Variants in LRRC69 observed in about 807,000 individuals in gnomAD.
LRRC69 encodes leucine rich repeat containing 69.
Under a neutral mutation model 37.8 loss-of-function variants are expected in LRRC69, and 42 were observed. The observed-to-expected ratio is 1.11, with a 90% confidence interval of 0.87 to 1.44. The LOEUF is 1.44. LRRC69 is among the 40% of genes most tolerant of loss of function. The pLI is 0.00. For synonymous variants in LRRC69, 141 were observed against 143.1 expected (o/e 0.99, Z 0.11); for missense variants, 357 against 401.9 (o/e 0.89, Z 0.96).
At chr8:91,117,191 G>C (rs1278744360) in intron 1 of LRRC69, among the ~76,000 whole-genome samples, 5 of 151,938 alleles carry the variant, frequency 3.3e-5, no homozygotes, top group Non-Finnish European at 7.4e-5. Context: ...TTCATCTTTT[G>C]GGCAGCTGTT....
At chr8:91,169,377 C>A (rs1390024909) in intron 5 of LRRC69, among the ~76,000 whole-genome samples, 1 of 151,834 alleles carries the variant, frequency 6.6e-6, no homozygotes, top group African/African-American at 2.4e-5. Flanking sequence ...ATATAACAAA[C>A]CTGCACATGT....
chr8:91,158,162 A>G lies in LRRC69; in HGVS notation c.651+22423A>G, dbSNP rs1403103824. 3.7e-6 allele frequency: 6 copies of G among 1,604,002 alleles called. No homozygotes were observed. In the Admixed American group the frequency reaches 8.4e-5, roughly 22 times the overall value. On this transcript the variant is annotated intron_variant, in intron 5 of 7. Coordinates refer to ENST00000448384, the Ensembl canonical transcript of LRRC69. ...CACTTACCTATGGAAAATCCCAGAA[A>G]GATCTGGAGCTGGAACAGAGGATTC...
intron 5 of LRRC69, among the ~76,000 whole-genome samples, chr8:91,183,169 A>G (rs1426120760): frequency 6.6e-6 from 1 of 152,156 alleles, no homozygotes; most frequent in Non-Finnish European, 1.5e-5. Context: ...GAGGATTTTG[A>G]ACTTTAAGGA....
intron 5 of LRRC69, among the ~76,000 whole-genome samples, chr8:91,143,425 A>G (rs957490123): frequency 6.6e-5 from 10 of 152,062 alleles, no homozygotes; most frequent in African/African-American, 2.2e-4. Flanking sequence ...ATTATACCCA[A>G]TGCTACATTT....
At chr8:91,201,328 C>T (rs1285255680) in intron 7 of LRRC69, among the ~76,000 whole-genome samples, 1 of 152,066 alleles carries the variant, frequency 6.6e-6, no homozygotes, top group Non-Finnish European at 1.5e-5. Flanking sequence ...TCTAAGCGGC[C>T]AGATAGTAAA....
At chr8:91,163,013 C>T (rs1808971653) in intron 5 of LRRC69, among the ~76,000 whole-genome samples, 1 of 151,060 alleles carries the variant, frequency 6.6e-6, no homozygotes, top group African/African-American at 2.4e-5. Context: ...TCATTTATCT[C>T]CTGAAAATCT....
chr8:91,197,754 A>G (rs1274602557), intron 6 of LRRC69, among the ~76,000 whole-genome samples: 5 of 151,402 alleles, frequency 3.3e-5, no homozygotes, highest in Non-Finnish European at 1.5e-5. Context: ...GGCACTCCCT[A>G]GTGAGATGAA....
intron 1 of LRRC69, among the ~76,000 whole-genome samples, chr8:91,112,179 A>G (rs1444585232): frequency 1.3e-5 from 2 of 152,054 alleles, no homozygotes; most frequent in Non-Finnish European, 2.9e-5. Flanking sequence ...TTCTCATTCC[A>G]TGAAAATGTC....
At chr8:91,153,183 T>C (rs1808771879) in intron 5 of LRRC69, among the ~76,000 whole-genome samples, 1 of 151,460 alleles carries the variant, frequency 6.6e-6, no homozygotes, top group Non-Finnish European at 1.5e-5. Flanking sequence ...TAAATATATA[T>C]GCACCCAATA....
In LRRC69 at chr8:91,122,169, C is replaced by A. The variant is rs150246392; in HGVS notation, c.184-2324C>A. On this transcript the variant is annotated intron_variant, in intron 1 of 7. Transcript: ENST00000448384. ...AGAGCATTGATAGTGTGGGACATTA[C>A]AAGCTGTTTCTTGTTTACTTTAAAA... 3.7e-3 allele frequency among the ~76,000 whole-genome samples: 559 copies of A among 152,172 alleles called. 1 individual carries two copies. Among genetic ancestry groups the A allele is most frequent in the Non-Finnish European group, 5.2e-3 (356 of 68,016 alleles).
chr8:91,177,127 A>G (rs1809246253), intron 5 of LRRC69, among the ~76,000 whole-genome samples: 3 of 152,170 alleles, frequency 2.0e-5, no homozygotes. Context: ...GGACTGATTG[A>G]TTAGCACATA....
intron 3 of LRRC69, among the ~76,000 whole-genome samples, chr8:91,129,993 A>G (rs932373923): frequency 3.3e-5 from 5 of 151,996 alleles, no homozygotes; most frequent in African/African-American, 1.2e-4. Flanking sequence ...ATTTTGTACT[A>G]TTCAATGCAT....
intron 5 of LRRC69, among the ~76,000 whole-genome samples, chr8:91,156,282 G>A (rs527968499): frequency 1.9e-4 from 29 of 150,932 alleles, no homozygotes; most frequent in Non-Finnish European, 4.3e-4. Context: ...GATGAGATAT[G>A]TCTTACTGTG....
chr8:91,189,617 T>A (rs1471499506), exon 6 of LRRC69: 1 of 1,546,224 alleles, frequency 6.5e-7, no homozygotes, highest in Non-Finnish European at 8.7e-7. Flanking sequence ...ACGTCTGGAG[T>A]CTACAGGTGA....
chr8:91,131,519 G>A (rs1336033391), intron 3 of LRRC69, among the ~76,000 whole-genome samples: 2 of 151,732 alleles, frequency 1.3e-5, no homozygotes, highest in East Asian at 3.9e-4. Flanking sequence ...TTTATTTAAA[G>A]CCCCTTTACA....
chr8:91,195,750 G>A (rs1809586356), intron 6 of LRRC69, among the ~76,000 whole-genome samples: 1 of 152,036 alleles, frequency 6.6e-6, no homozygotes, highest in African/African-American at 2.4e-5. Flanking sequence ...CTGCACGTGA[G>A]ATGGGTTTCC....
chr8:91,166,503 A>C (rs1382457119), intron 5 of LRRC69, among the ~76,000 whole-genome samples: 2 of 150,992 alleles, frequency 1.3e-5, no homozygotes, highest in Admixed American at 6.6e-5. Context: ...AAAAAAAAAA[A>C]AAAAAAAAAA....
At chr8:91,181,068 T>A (rs1448785290) in intron 5 of LRRC69, among the ~76,000 whole-genome samples, 4 of 152,200 alleles carry the variant, frequency 2.6e-5, no homozygotes, top group Non-Finnish European at 5.9e-5. Flanking sequence ...AAATCTTTAT[T>A]GTATAGTATC....
chr8:91,117,075 A>G (rs1813523177), intron 1 of LRRC69, among the ~76,000 whole-genome samples: 1 of 152,066 alleles, frequency 6.6e-6, no homozygotes, highest in Non-Finnish European at 1.5e-5. Context: ...AAATTTAGTA[A>G]GAGCATAGAC....
Sources: allele counts gnomAD v4.1 joint callset (sites outside exome capture counted in the v4.1 genomes callset), GRCh38; gene constraint gnomAD v4.1.1; transcripts MANE v1.5; gene names NCBI Gene and HGNC (gene_info 2026-07-23, HGNC 2026-07-21).